The following CFAP43 variants were observed in gnomAD, a reference collection of about 807,000 sequenced individuals.
The protein encoded by CFAP43 is cilia- and flagella-associated protein 43.
A neutral mutation model predicts 218.9 loss-of-function variants in CFAP43; 155 were observed. That is an observed-to-expected ratio of 0.71 (90% confidence interval 0.62 to 0.81). The LOEUF (loss-of-function observed/expected upper bound fraction) is 0.81. CFAP43 is among the 30% of genes least tolerant of loss of function. CFAP43 has a pLI of 0.00. For synonymous variants in CFAP43, 645 were observed against 681.3 expected (o/e 0.95, Z 0.83); for missense variants, 1,778 against 1,954.3 (o/e 0.91, Z 1.70).
chr10:104,162,395 G>A lies in CFAP43; in HGVS notation c.3255C>T (p.Ala1085=), dbSNP rs745700214. 4.3e-6 allele frequency: 7 copies of A among 1,613,602 alleles called. No homozygotes were observed. Among genetic ancestry groups the A allele is most frequent in the Admixed American group, 1.7e-5 (1 of 60,014 alleles). ...TLVVQDEEIT[A]HKHIKPWHKA... is the part of the protein sequence containing the mutation. ...TGTGCCACGGCTTAATGTGTTTGTG[G>A]GCTGTAATCTGAAAGAGAAAATGTC... Residue 1085 remains alanine (A), a synonymous_variant, in exon 25 of 38, where the codon GCC becomes GCT. Transcript: ENST00000357060.
chr10:104,186,270 G>T, intron 14 of CFAP43, 147 bp from the exon 15 acceptor site: 1 of 648,580 alleles, frequency 1.5e-6, no homozygotes, highest in Non-Finnish European at 2.3e-6. Context: ...TAAATAAATG[G>T]ATATAGGATA....
At chr10:104,198,606 C>T (rs1157303673) in intron 8 of CFAP43, among the ~76,000 whole-genome samples, 3 of 151,954 alleles carry the variant, frequency 2.0e-5, no homozygotes, top group Admixed American at 2.0e-4. Context: ...AGACTTTCTT[C>T]TTCAATTCCA....
Position 104,229,862 on chromosome 10 carries a change from T to A in CFAP43, c.319+728A>T, listed in dbSNP as rs115731228. 2.6e-3 allele frequency among the ~76,000 whole-genome samples: 388 copies of A among 152,050 alleles called. 1 individual carries two copies. The highest frequency in any genetic ancestry group is 8.8e-3 in the African/African-American group (366 of 41,444). On this transcript the variant is annotated intron_variant, in intron 2 of 37. Transcript: ENST00000357060. Reference sequence around the variant, plus strand: ...CTTGACTTTAGAAGCTATACAAACATCAATTCACCTGGATTTTCAACAAAT... The same window carrying A: ...CTTGACTTTAGAAGCTATACAAACAACAATTCACCTGGATTTTCAACAAAT...
intron 5 of CFAP43, among the ~76,000 whole-genome samples, chr10:104,210,933 G>A (rs558430299): frequency 2.2e-4 from 34 of 151,960 alleles, no homozygotes; most frequent in African/African-American, 8.2e-4. Context: ...TGGGATTACA[G>A]GCGTCCGCCA....
chr10:104,209,161 T>C (rs1275317822), intron 5 of CFAP43, among the ~76,000 whole-genome samples: 2 of 152,192 alleles, frequency 1.3e-5, no homozygotes, highest in Non-Finnish European at 2.9e-5. Context: ...ATCAAGACAT[T>C]TGAGATCTAT....
rs1190617975 is a variant in CFAP43, at chr10:104,164,004, C to G, written c.3246+90G>C. The G allele has an allele frequency of 5.3e-6, 7 of 1,317,630 alleles. No individual in the cohort carries two copies. The Admixed American group carries it at 1.2e-4, about 22-fold the overall frequency. 81.6% of individuals were successfully genotyped at this position (1,317,630 alleles called of 1,614,324 possible). A position where few individuals can be genotyped will look rare whatever the true frequency, so the allele number is the denominator to read the frequency against. On this transcript the variant is annotated intron_variant, in intron 24 of 37. Transcript: ENST00000357060. ...AACTGAGAGTGCTACCCAGTACAAT[C>G]ACTTCCCACAGAGTAACCAAGTTGA... is the stretch of plus-strand genomic sequence containing the variant.
At chr10:104,208,469 C>T (rs1185948148) in intron 5 of CFAP43, among the ~76,000 whole-genome samples, 1 of 152,010 alleles carries the variant, frequency 6.6e-6, no homozygotes, top group East Asian at 1.9e-4. Flanking sequence ...CTGGGCTTGT[C>T]TTCCTATTAC....
intron 11 of CFAP43, chr10:104,192,524 G>C: frequency 2.1e-6 from 1 of 474,552 alleles, no homozygotes; most frequent in Non-Finnish European, 3.7e-6. Context: ...AATAAATACA[G>C]TCAAGAAGAT....
chr10:104,152,647 A>ACT lies in CFAP43; in HGVS notation c.3619_3620insAG (p.Leu1207GlnfsTer7). On this transcript the variant is annotated frameshift_variant, in exon 28 of 38. Coordinates refer to ENST00000357060, the MANE Select transcript of CFAP43 (RefSeq NM_025145.7). LOFTEE classifies it high-confidence loss of function. ...CTCTGCCTTCACTCTCCTTTCAAAA[A>ACT]GTCTTTTCAAATGTTCATCAAAGGC... The ACT allele has an allele frequency of 6.2e-7, 1 of 1,613,872 alleles. No individual in the cohort carries two copies. Among genetic ancestry groups the ACT allele is most frequent in the Non-Finnish European group, 8.5e-7 (1 of 1,179,890 alleles).
At position 104,168,755 on chromosome 10, in the gene CFAP43, G is replaced by A. The variant is rs777833650; in HGVS notation, c.2680C>T (p.Arg894Ter). The change falls in exon 21 of 38, where the codon CGA (arginine) becomes TGA (stop). Residue 894 changes from arginine to a stop codon, truncating the protein, a stop_gained. Transcript: ENST00000357060. LOFTEE classifies it high-confidence loss of function. ...ECWNSMAVKGRALKCFHIPCV... is the reference protein window; with the variant it reads ...ECWNSMAVKG ...GTTCTATCTGTTACCTTAAGAGCTC[G>A]ACCTTTCACAGCCATCGAATTCCAA... 8.1e-6 allele frequency: 13 copies of A among 1,613,724 alleles called. No individual in the cohort carries two copies. The highest frequency in any genetic ancestry group is 2.2e-5 in the East Asian group (1 of 44,882).
chr10:104,221,320 G>A (rs2091174653), intron 3 of CFAP43, among the ~76,000 whole-genome samples: 1 of 152,156 alleles, frequency 6.6e-6, no homozygotes, highest in African/African-American at 2.4e-5. Context: ...TGGTCTGTTT[G>A]TGTGCTGCCT....
intron 20 of CFAP43, among the ~76,000 whole-genome samples, chr10:104,170,935 G>A (rs1360451076): frequency 1.3e-5 from 2 of 152,100 alleles, no homozygotes; most frequent in Non-Finnish European, 2.9e-5. Context: ...TGCTGTTCCT[G>A]GAATACTCCA....
intron 3 of CFAP43, among the ~76,000 whole-genome samples, chr10:104,216,677 A>T (rs988210588): frequency 6.6e-6 from 1 of 152,108 alleles, no homozygotes; most frequent in Non-Finnish European, 1.5e-5. Context: ...TCACTGCCTG[A>T]GGACTGTCCT....
intron 16 of CFAP43, among the ~76,000 whole-genome samples, chr10:104,184,348 G>A (rs1416766704): frequency 6.6e-6 from 1 of 152,044 alleles, no homozygotes; most frequent in African/African-American, 2.4e-5. Context: ...ATACATACAT[G>A]TATATGTCAG....
intron 28 of CFAP43, among the ~76,000 whole-genome samples, chr10:104,151,223 A>G (rs1564726160): frequency 6.6e-6 from 1 of 152,206 alleles, no homozygotes; most frequent in South Asian, 2.1e-4. Flanking sequence ...ATGTGTCTTT[A>G]TAATAGAACA....
Position 104,140,983 on chromosome 10 carries a change from C to T in CFAP43, c.4290G>A (p.Val1430=), listed in dbSNP as rs917112393. The change falls in exon 34 of 38, where the codon GTG becomes GTA. Residue 1430 remains valine, a synonymous_variant. Coordinates refer to ENST00000357060, the MANE Select transcript of CFAP43 (RefSeq NM_025145.7). The part of the protein sequence containing the change: ...HELILLQEEK[V]RFQLNLTIQI... The stretch of plus-strand genomic sequence containing the variant: ...GGATTGTCAAATTCAACTGGAATCT[C>T]ACTTTCTCTTCCTGTAATCTGAATT... The T allele has an allele frequency of 1.9e-6, 3 of 1,611,186 alleles. No individual in the cohort carries two copies. The highest frequency in any genetic ancestry group is 2.5e-6 in the Non-Finnish European group (3 of 1,178,992).
intron 36 of CFAP43, 67 bp from the exon 37 acceptor site, chr10:104,131,551 A>G: frequency 6.8e-7 from 1 of 1,478,264 alleles, no homozygotes; most frequent in South Asian, 1.3e-5. Context: ...TCCTATAAAG[A>G]CATTATTCTT....
In CFAP43 at chr10:104,207,758, A is replaced by G; in HGVS notation, c.802T>C (p.Tyr268His). Residue 268 changes from tyrosine to histidine, a missense_variant, in exon 6 of 38, where the codon TAC (tyrosine) becomes CAC (histidine). This residue lies in a region of CFAP43 where 1,553 missense variants were observed against 1,685.2 expected (regional missense o/e 0.92). Coordinates refer to ENST00000357060, the MANE Select transcript of CFAP43 (RefSeq NM_025145.7). The stretch of plus-strand genomic sequence containing the variant: ...AGATGACCCTCTTCACAGCCAATGT[A>G]CAAGTCACTTGTTGGAGTCCAGCAA... The part of the protein sequence containing the change: ...MHCWTPTSDL[Y>H]IGCEEGHLLM... 1 of 1,614,246 alleles carries G rather than the reference A, an allele frequency of 6.2e-7. No homozygotes were observed. The highest frequency in any genetic ancestry group is 8.5e-7 in the Non-Finnish European group (1 of 1,180,036).
chr10:104,196,765 TC>T, intron 10 of CFAP43, 87 bp downstream of exon 10: 1 of 1,116,366 alleles, frequency 9.0e-7, no homozygotes, highest in Non-Finnish European at 1.3e-6. Flanking sequence ...AACAAGTATT[TC>T]TACAGACTAT....
Sources: allele counts gnomAD v4.1 joint callset (sites outside exome capture counted in the v4.1 genomes callset), GRCh38; gene constraint gnomAD v4.1.1; regional missense constraint gnomAD v4.1.1; transcripts MANE v1.5; gene names NCBI Gene and HGNC (gene_info 2026-07-23, HGNC 2026-07-21).